The following PTK2 variants were observed in gnomAD, a reference collection of about 807,000 sequenced individuals.
PTK2 encodes the protein focal adhesion kinase 1.
A neutral mutation model predicts 150.1 loss-of-function variants in PTK2; 45 were observed. That is an observed-to-expected ratio of 0.30 (90% CI 0.24 to 0.38). The LOEUF is 0.38. Ranked by LOEUF, PTK2 falls within the 10% of genes least tolerant of loss-of-function variation. The probability of loss-of-function intolerance (pLI) is 1.00; values close to 1 mark genes in which losing one functional copy is unlikely to be tolerated. For synonymous variants in PTK2, 432 were observed against 449.2 expected, an observed-to-expected ratio of 0.96 and a Z score of 0.48; for missense variants, 919 against 1,307.3, an observed-to-expected ratio of 0.70 and a Z score of 4.58.
intron 4 of PTK2, among the ~76,000 whole-genome samples, chr8:140,878,526 A>G (rs1009027788): frequency 6.6e-5 from 10 of 152,136 alleles, no homozygotes; most frequent in South Asian, 2.1e-4. Flanking sequence ...CTTGAGCCCA[A>G]GAGGCTGCAG....
exon 22 of PTK2, chr8:140,735,384 C>T (rs371607821): frequency 2.4e-5 from 38 of 1,614,082 alleles, no homozygotes; most frequent in Admixed American, 1.2e-4. Context: ...TCAATTCGAC[C>T]GATTACATCA....
chr8:140,962,007 C>T (rs893278312), intron 1 of PTK2, among the ~76,000 whole-genome samples: 1 of 151,950 alleles, frequency 6.6e-6, no homozygotes, highest in Non-Finnish European at 1.5e-5. Context: ...TAATCCCAGG[C>T]AGAGACAGGT....
At chr8:140,677,847 C>T (rs1306886091) in intron 27 of PTK2, among the ~76,000 whole-genome samples, 5 of 152,184 alleles carry the variant, frequency 3.3e-5, no homozygotes, top group Admixed American at 2.0e-4. Context: ...ATTGAACATC[C>T]GCTTTGTTCT....
intron 1 of PTK2, among the ~76,000 whole-genome samples, chr8:140,955,430 GC>G (rs2100180902): frequency 6.6e-6 from 1 of 152,178 alleles, no homozygotes; most frequent in Admixed American, 6.5e-5. Flanking sequence ...GGTCTCCCCA[GC>G]CATGTGGGAC....
chr8:140,984,704 G>A (rs12680723), intron 1 of PTK2, among the ~76,000 whole-genome samples: 64,303 of 151,732 alleles, frequency 0.42, 14,294 homozygotes, highest in South Asian at 0.55. Context: ...GCGATGAAAA[G>A]TGGCCCTAAC....
intron 17 of PTK2, among the ~76,000 whole-genome samples, chr8:140,748,496 CA>C (rs61423469): frequency 1.2e-3 from 139 of 111,564 alleles, no homozygotes; most frequent in East Asian, 2.6e-3. Flanking sequence ...GACTCTGTCT[CA>C]AAAAAAAAAA....
rs2100014826 is a variant in PTK2 at position 140,677,976 on chromosome 8, G to A, written c.2563-2477C>T. 2.1e-5 allele frequency among the ~76,000 whole-genome samples: 3 copies of A among 146,162 alleles called. No individual in the cohort carries two copies. The South Asian group carries it at 6.7e-4, about 33-fold the overall frequency. On this transcript the variant is annotated intron_variant, in intron 27 of 31. Coordinates refer to ENST00000522684, the Ensembl canonical transcript of PTK2. The stretch of plus-strand genomic sequence containing the variant: ...ATTAGTATATTCTGTGTTCTGTTAG[G>A]AGAAGCTGTGTCCCACAAAGAAAGG...
chr8:140,681,747 A>C (rs1449275104), intron 27 of PTK2, among the ~76,000 whole-genome samples: 1 of 152,208 alleles, frequency 6.6e-6, no homozygotes, highest in Admixed American at 6.5e-5. Flanking sequence ...ACTGCACTCC[A>C]GCCTGGGCCA....
chr8:140,930,172 T>C (rs1325229877), intron 1 of PTK2, among the ~76,000 whole-genome samples: 4 of 152,178 alleles, frequency 2.6e-5, no homozygotes, highest in Admixed American at 1.3e-4. Context: ...ACATGTTTGA[T>C]AGAAGGGGAA....
intron 1 of PTK2, among the ~76,000 whole-genome samples, chr8:140,952,814 T>C (rs1433572891): frequency 6.6e-6 from 1 of 152,144 alleles, no homozygotes; most frequent in African/African-American, 2.4e-5. Flanking sequence ...TTACCCTCAA[T>C]TGTACGATTT....
chr8:140,802,513 T>C (rs1428657138), intron 11 of PTK2, among the ~76,000 whole-genome samples: 1 of 152,186 alleles, frequency 6.6e-6, no homozygotes, highest in Non-Finnish European at 1.5e-5. Flanking sequence ...AAAAAGGTTT[T>C]AAAAATAAAT....
rs2100195503 is a variant in PTK2 at position 140,990,959 on chromosome 8, T to C, written c.-122+10166A>G. Among the ~76,000 whole-genome samples, 4 of 152,164 alleles carry C rather than the reference T, an allele frequency of 2.6e-5. No homozygotes were observed. The South Asian group carries it at 8.3e-4, about 32-fold the overall frequency. The stretch of plus-strand genomic sequence containing the variant: ...TTACTGACCACCTATAATGATATTA[T>C]GATCAAGCTGTGGGGGACTCAAAGA... On this transcript the variant is annotated intron_variant, in intron 1 of 31. Transcript: ENST00000522684.
intron 8 of PTK2, among the ~76,000 whole-genome samples, chr8:140,824,371 G>C (rs2100110623): frequency 6.6e-6 from 1 of 152,210 alleles, no homozygotes; most frequent in Non-Finnish European, 1.5e-5. Context: ...GACCCAAGAA[G>C]TGAGAGCAAC....
intron 20 of PTK2, among the ~76,000 whole-genome samples, chr8:140,741,436 C>G (rs1351359014): frequency 6.6e-6 from 1 of 150,504 alleles, no homozygotes; most frequent in African/African-American, 2.5e-5. Context: ...GCCTGGGCGA[C>G]AGAGTGAGAC....
chr8:140,693,779 T>C (rs534897326), intron 26 of PTK2, among the ~76,000 whole-genome samples: 11 of 152,070 alleles, frequency 7.2e-5, no homozygotes, highest in African/African-American at 1.9e-4. Context: ...TGACTAGCAG[T>C]AGCAACCATA....
intron 23 of PTK2, among the ~76,000 whole-genome samples, chr8:140,706,899 C>T (rs553218428): frequency 2.6e-5 from 4 of 152,178 alleles, no homozygotes; most frequent in South Asian, 2.1e-4. Flanking sequence ...CAAACATGTA[C>T]ATGAATGTTC....
intron 27 of PTK2, among the ~76,000 whole-genome samples, chr8:140,676,732 C>T (rs1388425572): frequency 1.6e-5 from 2 of 127,492 alleles, no homozygotes; most frequent in Admixed American, 8.9e-5. Flanking sequence ...TTGAGACCAT[C>T]CTGGCTAACA....
At chr8:140,796,387 G>A (rs1275390706) in intron 12 of PTK2, among the ~76,000 whole-genome samples, 2 of 152,044 alleles carry the variant, frequency 1.3e-5, no homozygotes, top group Non-Finnish European at 2.9e-5. Context: ...TGATAGTTAC[G>A]TTTATTATCC....
rs1212302465 is a variant in PTK2 at position 140,755,342 on chromosome 8, A to G, written c.1333-3026T>C. 2.6e-5 allele frequency among the ~76,000 whole-genome samples: 4 copies of G among 152,210 alleles called. No individual in the cohort carries two copies. In the East Asian group the frequency reaches 5.8e-4, roughly 22 times the overall value. On this transcript the variant is annotated intron_variant, in intron 16 of 31. Transcript: ENST00000522684. ...TCAAAATTCTTACCTCAAGGTTCAC[A>G]TGGCCCCACACATGTCCCCTGGTGG...
Sources: allele counts gnomAD v4.1 joint callset (sites outside exome capture counted in the v4.1 genomes callset), GRCh38; gene constraint gnomAD v4.1.1; transcripts MANE v1.5; gene names NCBI Gene and HGNC (gene_info 2026-07-23, HGNC 2026-07-21).